The following FAP variants were observed in gnomAD, a reference collection of about 807,000 sequenced individuals.
FAP encodes the protein fibroblast activation protein alpha.
A neutral mutation model predicts 126.5 loss-of-function variants in FAP; 110 were observed. That is an observed-to-expected ratio of 0.87 (90% CI 0.74 to 1.02). The LOEUF is 1.02. Among genes scored for constraint, FAP ranks in the 50% least tolerant of loss-of-function variants. The pLI is 0.00. For synonymous variants in FAP, 334 were observed against 297.3 expected (o/e 1.12, Z -1.27); for missense variants, 919 against 909.2 (o/e 1.01, Z -0.14).
rs564405301 is a variant in FAP, at chr2:162,173,665, T to C, written c.2034+58A>G. 1.0e-3 allele frequency: 1,218 copies of C among 1,167,194 alleles called. 1 individual carries two copies. The highest frequency in any genetic ancestry group is 1.4e-3 in the Non-Finnish European group (1,132 of 782,504). 72.3% of individuals were successfully genotyped at this position (1,167,194 alleles called of 1,614,324 possible). The stretch of plus-strand genomic sequence containing the variant: ...ACTGTAAATTCTGAACTACTGCTTT[T>C]AAGTTATTTAGCATATTAGAAATTA... On this transcript the variant is annotated intron_variant, in intron 23 of 25. Transcript: ENST00000188790.
rs568372804 is a variant in FAP, at chr2:162,198,989, C to G, written c.1278-108G>C. 5 of 905,956 alleles carry G rather than the reference C, an allele frequency of 5.5e-6. No homozygotes were observed. The Admixed American group carries it at 7.1e-5, about 13-fold the overall frequency. The allele number at this position is 905,956 out of a possible 1,614,324, so 56.1% of individuals were successfully genotyped here. ...TTTACATATTGACATCAAACCCACTCTATTTTTCTGTTGCCAATATCATTT... is the reference window on the plus strand; with the variant it reads ...TTTACATATTGACATCAAACCCACTGTATTTTTCTGTTGCCAATATCATTT... On this transcript the variant is annotated intron_variant, in intron 15 of 25. Transcript: ENST00000188790.
chr2:162,203,419 G>T (rs190553481), intron 12 of FAP, among the ~76,000 whole-genome samples: 1 of 152,124 alleles, frequency 6.6e-6, no homozygotes. Context: ...TTCCTAAGTC[G>T]AAGGTTATGT....
chr2:162,224,987 A>C (rs1393855837), intron 4 of FAP, among the ~76,000 whole-genome samples: 2 of 152,168 alleles, frequency 1.3e-5, no homozygotes, highest in Non-Finnish European at 1.5e-5. Context: ...GGGACAGAAC[A>C]GTTAAGTGCC....
intron 6 of FAP, among the ~76,000 whole-genome samples, chr2:162,220,801 T>C (rs1462687614): frequency 6.6e-6 from 1 of 152,214 alleles, no homozygotes; most frequent in Non-Finnish European, 1.5e-5. Flanking sequence ...TCGTAGGATG[T>C]CATGCTTACT....
chr2:162,199,349 A>G (rs1390406152), intron 15 of FAP, among the ~76,000 whole-genome samples: 1 of 152,230 alleles, frequency 6.6e-6, no homozygotes, highest in Non-Finnish European at 1.5e-5. Flanking sequence ...CAAATTGGAA[A>G]TAAGAAATTA....
intron 14 of FAP, among the ~76,000 whole-genome samples, chr2:162,201,831 G>A (rs966900458): frequency 2.0e-5 from 3 of 152,134 alleles, no homozygotes; most frequent in Non-Finnish European, 4.4e-5. Flanking sequence ...TCTAGTTCAG[G>A]CCTCTTATGA....
At chr2:162,224,659 C>A (rs565821435) in intron 4 of FAP, 119 bp from the exon 5 acceptor site, 35 of 515,090 alleles carry the variant, frequency 6.8e-5, no homozygotes, top group African/African-American at 4.8e-4. Flanking sequence ...ACTTTCAATG[C>A]AATTGAAAAA....
intron 3 of FAP, among the ~76,000 whole-genome samples, chr2:162,225,825 G>C (rs1303236954): frequency 1.3e-5 from 2 of 152,072 alleles, no homozygotes; most frequent in Non-Finnish European, 2.9e-5. Context: ...GGGTGCTTAG[G>C]AACACAATTT....
At chr2:162,232,706 G>A (rs1689948089) in intron 2 of FAP, among the ~76,000 whole-genome samples, 1 of 152,048 alleles carries the variant, frequency 6.6e-6, no homozygotes, top group South Asian at 2.1e-4. Flanking sequence ...GGATTTGCCG[G>A]GCTTTTAAAA....
chr2:162,197,787 C>T (rs1688313625), intron 16 of FAP: 1 of 368,888 alleles, frequency 2.7e-6, no homozygotes, highest in South Asian at 2.1e-5. Context: ...GTTCTTTAAG[C>T]CACATACCCC....
At chr2:162,192,520 C>T (rs1180918596) in intron 17 of FAP, among the ~76,000 whole-genome samples, 2 of 152,076 alleles carry the variant, frequency 1.3e-5, no homozygotes, top group African/African-American at 4.8e-5. Context: ...TGTAGGCTCA[C>T]TCCCCACTAA....
rs1436032237 is a variant in FAP at position 162,218,133 on chromosome 2, C to A, written c.615G>T (p.Met205Ile). Reference protein sequence around the residue: ...GIPDWVYEEEMLATKYALWWS... With the variant: ...GIPDWVYEEEILATKYALWWS... Reference sequence around the variant, plus strand: ...ACCAGAGAGCATATTTTGTAGCAAGCATTTCCTCTGAAAAATAAGTACTAG... The same window carrying A: ...ACCAGAGAGCATATTTTGTAGCAAGAATTTCCTCTGAAAAATAAGTACTAG... The change falls in exon 9 of 26, where the codon ATG becomes ATT. Residue 205 changes from methionine to isoleucine, a missense_variant. Physicochemically the swap from Met to Ile is conservative, Grantham distance 10 (BLOSUM62 1). Coordinates refer to ENST00000188790, the MANE Select transcript of FAP (RefSeq NM_004460.5). The A allele has an allele frequency of 4.4e-6, 7 of 1,597,440 alleles. No homozygotes were observed. The highest frequency in any genetic ancestry group is 1.1e-5 in the South Asian group (1 of 87,814).
intron 11 of FAP, among the ~76,000 whole-genome samples, chr2:162,213,040 A>C (rs1033180792): frequency 2.6e-5 from 4 of 152,194 alleles, no homozygotes; most frequent in Admixed American, 6.5e-5. Flanking sequence ...ATTTGATCTA[A>C]TATCTTATGT....
intron 21 of FAP, among the ~76,000 whole-genome samples, chr2:162,177,400 T>C (rs1457713560): frequency 6.6e-6 from 1 of 152,104 alleles, no homozygotes; most frequent in Non-Finnish European, 1.5e-5. Flanking sequence ...TCTGTCTCCA[T>C]TCTCCCACCT....
chr2:162,213,899 T>A, intron 11 of FAP, 39 bp downstream of exon 11: 5 of 1,597,634 alleles, frequency 3.1e-6, no homozygotes, highest in Non-Finnish European at 4.3e-6. Context: ...TGTGCCTTGA[T>A]CTTCAGAAAT....
intron 14 of FAP, among the ~76,000 whole-genome samples, chr2:162,202,013 A>G (rs1174956929): frequency 6.6e-6 from 1 of 152,220 alleles, no homozygotes; most frequent in Non-Finnish European, 1.5e-5. Flanking sequence ...AATTCCAAAG[A>G]TTCGTAATAG....
Position 162,172,875 on chromosome 2 carries a change from T to A in FAP, c.2117A>T (p.His706Leu). Residue 706 changes from histidine (H) to leucine (L), a missense_variant, in exon 25 of 26, where the codon CAC becomes CTC. Transcript: ENST00000188790. ...LIHGTADDNV[H>L]FQNSAQIAKA... Reference sequence around the variant, plus strand: ...AGCAATCTGTGCTGAGTTTTGAAAGTGCACATTATCTGCAACAAAGAGAGA... The same window carrying A: ...AGCAATCTGTGCTGAGTTTTGAAAGAGCACATTATCTGCAACAAAGAGAGA... 3.1e-6 allele frequency: 5 copies of A among 1,612,154 alleles called. No homozygotes were observed. The highest frequency in any genetic ancestry group is 4.2e-6 in the Non-Finnish European group (5 of 1,178,538).
chr2:162,235,999 G>A (rs1331591716), intron 2 of FAP, among the ~76,000 whole-genome samples: 8 of 152,224 alleles, frequency 5.3e-5, no homozygotes, highest in East Asian at 1.9e-4. Context: ...CTCCTAATCC[G>A]TTAAGTGTTT....
intron 25 of FAP, chr2:162,172,010 A>G (rs1687321263): frequency 6.6e-6 from 1 of 151,868 alleles, no homozygotes; most frequent in Non-Finnish European, 1.5e-5. Flanking sequence ...ACTAGAACTT[A>G]TTTTTTTCTG....
Sources: allele counts gnomAD v4.1 joint callset (sites outside exome capture counted in the v4.1 genomes callset), GRCh38; gene constraint gnomAD v4.1.1; transcripts MANE v1.5; gene names NCBI Gene and HGNC (gene_info 2026-07-23, HGNC 2026-07-21).